CDCP2: variants seen among roughly 807,000 people sequenced by gnomAD.
The protein encoded by CDCP2 is CUB domain containing protein 2.
CDCP2 carries 31 observed loss-of-function variants against 31.0 expected under a neutral mutation model. That is an observed-to-expected ratio of 1.00 (90% confidence interval 0.75 to 1.35). The LOEUF is 1.35. CDCP2 is among the 40% of genes most tolerant of loss of function. The pLI, the probability that CDCP2 is intolerant of heterozygous loss-of-function variation, is 0.00. For synonymous variants in CDCP2, 206 were observed against 207.9 expected (o/e 0.99, Z 0.08); for missense variants, 443 against 482.6 (o/e 0.92, Z 0.77).
At chr1:54,152,582 C>T (rs1037820528) in intron 1 of CDCP2, among the ~76,000 whole-genome samples, 6 of 152,180 alleles carry the variant, frequency 3.9e-5, no homozygotes, top group Admixed American at 2.6e-4. Flanking sequence ...TCAGTTTCTT[C>T]ATCTGGAAAA....
intron 4 of CDCP2, chr1:54,138,918 T>C (rs1659306185): frequency 6.5e-6 from 1 of 153,874 alleles, no homozygotes; most frequent in Non-Finnish European, 1.4e-5. Context: ...TCTGGGCCCA[T>C]AGACAAGGAA....
exon 5 of CDCP2, chr1:54,136,731 G>A (rs898462274): frequency 3.0e-5 from 12 of 399,152 alleles, no homozygotes; most frequent in East Asian, 2.5e-4. Flanking sequence ...ACCTTGGTCC[G>A]CTCCAGCGGG....
chr1:54,137,105 G>T (rs1342897876), intron 4 of CDCP2, among the ~76,000 whole-genome samples: 2 of 152,228 alleles, frequency 1.3e-5, no homozygotes, highest in African/African-American at 4.8e-5. Flanking sequence ...ATGAATGAAT[G>T]TTCTTAATAA....
chr1:54,145,262 C>T (rs1659444216), intron 1 of CDCP2, among the ~76,000 whole-genome samples: 1 of 152,086 alleles, frequency 6.6e-6, no homozygotes, highest in Non-Finnish European at 1.5e-5. Flanking sequence ...CCCATCTCTA[C>T]TAAAAATACA....
intron 4 of CDCP2, chr1:54,139,422 G>A (rs625370): frequency 0.028 from 26,762 of 946,948 alleles, 654 homozygotes; most frequent in African/African-American, 0.11. Context: ...ACCATATTTT[G>A]TCTATTTCCC....
At chr1:54,137,696 T>TGTGTGTGTGTGTGTGTGC (rs1227787383) in intron 4 of CDCP2, 1 of 151,910 alleles carries the variant, frequency 6.6e-6, no homozygotes, top group Admixed American at 6.6e-5. Flanking sequence ...TGTGTGTGTG[T>TGTGTGTGTGTGTGTGTGC]GTGTGTGTGC....
intron 5 of CDCP2, among the ~76,000 whole-genome samples, chr1:54,134,901 A>T (rs1295823197): frequency 2.6e-5 from 4 of 152,068 alleles, no homozygotes; most frequent in Middle Eastern, 3.4e-3. Flanking sequence ...ATGCCCAGCT[A>T]ATTGTTGTAT....
At chr1:54,138,663 A>C (rs1182567665) in intron 4 of CDCP2, 1 of 152,250 alleles carries the variant, frequency 6.6e-6, no homozygotes, top group Non-Finnish European at 1.5e-5. Context: ...GATGATAAGT[A>C]AATGGCAGCA....
At chr1:54,151,175 C>T (rs760195696) in intron 1 of CDCP2, among the ~76,000 whole-genome samples, 4 of 152,102 alleles carry the variant, frequency 2.6e-5, no homozygotes, top group Non-Finnish European at 4.4e-5. Flanking sequence ...AGACAAAGGC[C>T]CAGACGCACG....
chr1:54,148,888 A>AAAATATAAAAGTC (rs1553174413), intron 1 of CDCP2, among the ~76,000 whole-genome samples: 1 of 150,832 alleles, frequency 6.6e-6, no homozygotes, highest in Non-Finnish European at 1.5e-5. Flanking sequence ...AATTTTATTA[A>AAAATATAAAAGTC]AAATATAAAA....
chr1:54,137,265 C>T (rs1478112495), intron 4 of CDCP2, among the ~76,000 whole-genome samples: 1 of 152,096 alleles, frequency 6.6e-6, no homozygotes, highest in Non-Finnish European at 1.5e-5. Context: ...AAATTCTTGC[C>T]TTGTGGAGCT....
At chr1:54,147,657 G>A (rs528299358) in intron 1 of CDCP2, among the ~76,000 whole-genome samples, 15 of 151,840 alleles carry the variant, frequency 9.9e-5, no homozygotes, top group East Asian at 3.9e-4. Flanking sequence ...GTGAGCCACC[G>A]TGCCCGGCCG....
chr1:54,134,917 GTA>G (rs1243111801), intron 5 of CDCP2, among the ~76,000 whole-genome samples: 1 of 152,094 alleles, frequency 6.6e-6, no homozygotes, highest in Non-Finnish European at 1.5e-5. Flanking sequence ...TGTATTTTTA[GTA>G]GAGACGAGGT....
At chr1:54,146,561 T>C (rs1463004324) in intron 1 of CDCP2, among the ~76,000 whole-genome samples, 1 of 151,940 alleles carries the variant, frequency 6.6e-6, no homozygotes, top group Non-Finnish European at 1.5e-5. Context: ...AACTTGATTA[T>C]TTTTATGTTT....
At chr1:54,139,644 A>G (rs868098200) in intron 4 of CDCP2, 109 bp downstream of exon 4, 6 of 1,376,968 alleles carry the variant, frequency 4.4e-6, no homozygotes, top group Non-Finnish European at 4.8e-6. Context: ...AAGACCATTC[A>G]TGGGGGGGGC....
intron 1 of CDCP2, among the ~76,000 whole-genome samples, chr1:54,152,203 C>T (rs1462938593): frequency 6.6e-6 from 1 of 152,110 alleles, no homozygotes; most frequent in African/African-American, 2.4e-5. Flanking sequence ...GTGGCTCATG[C>T]CTGTAATCCC....
At chr1:54,152,493 CT>C (rs548443073) in intron 1 of CDCP2, among the ~76,000 whole-genome samples, 147 of 152,102 alleles carry the variant, frequency 9.7e-4, no homozygotes, top group African/African-American at 3.4e-3. Context: ...AGCAATAAAC[CT>C]TTAATAGTTT....
At chr1:54,152,379 G>A (rs1659599082) in intron 1 of CDCP2, among the ~76,000 whole-genome samples, 2 of 150,816 alleles carry the variant, frequency 1.3e-5, no homozygotes, top group South Asian at 4.4e-4. Context: ...CAGGAGAATT[G>A]TTTGAACCTG....
chr1:54,136,697 G>T, exon 5 of CDCP2: 1 of 399,174 alleles, frequency 2.5e-6, no homozygotes, highest in African/African-American at 2.1e-5. Flanking sequence ...CTCCTGGGCG[G>T]CACAGCTCCG....
Sources: allele counts gnomAD v4.1 joint callset (sites outside exome capture counted in the v4.1 genomes callset), GRCh38; gene constraint gnomAD v4.1.1; transcripts MANE v1.5; gene names NCBI Gene and HGNC (gene_info 2026-07-23, HGNC 2026-07-21).